Variants in NCKAP5 observed in about 807,000 individuals in gnomAD.
NCKAP5 encodes nck-associated protein 5.
In NCKAP5, 92 loss-of-function variants were observed where a neutral mutation model predicts 167.0. That is an observed-to-expected ratio of 0.55 (90% CI 0.47 to 0.66). The LOEUF is 0.66. NCKAP5 is among the 30% of genes least tolerant of loss of function. The pLI is 0.00. For missense variants in NCKAP5, 2,378 were observed against 2,315.0 expected (o/e 1.03, Z -0.56); for synonymous variants, 891 against 877.4 (o/e 1.02, Z -0.27).
intron 4 of NCKAP5, among the ~76,000 whole-genome samples, chr2:133,233,790 T>G (rs903624334): frequency 6.6e-6 from 1 of 152,192 alleles, no homozygotes; most frequent in Non-Finnish European, 1.5e-5. Flanking sequence ...AAATCTCTTC[T>G]TTTTATAGAT....
At position 132,783,554 on chromosome 2, in the gene NCKAP5, G is replaced by A; in HGVS notation, c.3257C>T (p.Pro1086Leu). 1 of 1,613,946 alleles carries A rather than the reference G, an allele frequency of 6.2e-7. No individual in the cohort carries two copies. The highest frequency in any genetic ancestry group is 8.5e-7 in the Non-Finnish European group (1 of 1,179,886). ...ATCATTCAATTGTCCTTTTCTCCCTGGAGATACACTTTTGGAGGACGTCAT... is the reference window on the plus strand; with the variant it reads ...ATCATTCAATTGTCCTTTTCTCCCTAGAGATACACTTTTGGAGGACGTCAT... ...LEMTSSKSVS[P>L]GRKGQLNDSA... Residue 1086 changes from proline (P) to leucine (L), a missense_variant, in exon 14 of 20, where the codon CCA (proline) becomes CTA (leucine). This residue lies in a region of NCKAP5 where 1,325 missense variants were observed against 1,274.5 expected (regional missense o/e 1.04). Transcript: ENST00000409261.
chr2:133,341,073 TC>T (rs1316933952), intron 3 of NCKAP5, among the ~76,000 whole-genome samples: 1 of 152,176 alleles, frequency 6.6e-6, no homozygotes, highest in Non-Finnish European at 1.5e-5. Context: ...TTCCATTAAT[TC>T]TATTTACCTG....
chr2:133,408,190 T>C (rs1246574517), intron 3 of NCKAP5, among the ~76,000 whole-genome samples: 10 of 152,288 alleles, frequency 6.6e-5, no homozygotes, highest in Middle Eastern at 3.4e-3. Flanking sequence ...ATTGAAGGCA[T>C]GATGATGATG....
At chr2:133,161,500 G>A (rs936037473) in intron 5 of NCKAP5, among the ~76,000 whole-genome samples, 1 of 152,188 alleles carries the variant, frequency 6.6e-6, no homozygotes, top group African/African-American at 2.4e-5. Context: ...GCACTTCAGT[G>A]TGTCAATCAC....
At chr2:133,336,703 A>C (rs1559394757) in intron 3 of NCKAP5, among the ~76,000 whole-genome samples, 4 of 152,226 alleles carry the variant, frequency 2.6e-5, no homozygotes, top group Non-Finnish European at 5.9e-5. Context: ...CGCTAATAAG[A>C]AAATGGGAAA....
At chr2:132,805,982 C>T (rs12476503) in intron 11 of NCKAP5, among the ~76,000 whole-genome samples, 8,323 of 152,048 alleles carry the variant, frequency 0.055, 442 homozygotes, top group East Asian at 0.13. Flanking sequence ...TATGACTTTG[C>T]GTCCTCATAG....
intron 3 of NCKAP5, among the ~76,000 whole-genome samples, chr2:133,308,689 C>CT (rs35760716): frequency 0.052 from 3,056 of 59,294 alleles, 1,089 homozygotes; most frequent in Non-Finnish European, 0.073. Context: ...AAATACAATT[C>CT]TTTTTTTTTT....
intron 3 of NCKAP5, among the ~76,000 whole-genome samples, chr2:133,437,878 G>A (rs1455721109): frequency 6.6e-6 from 1 of 152,240 alleles, no homozygotes. Flanking sequence ...CATGGTGCCT[G>A]TCATAGAGAA....
chr2:132,943,287 C>T (rs1028746444), intron 8 of NCKAP5, among the ~76,000 whole-genome samples: 3 of 152,308 alleles, frequency 2.0e-5, no homozygotes, highest in Admixed American at 6.5e-5. Flanking sequence ...ATGACAGAAA[C>T]TTCATTAAAA....
intron 3 of NCKAP5, among the ~76,000 whole-genome samples, chr2:133,496,810 C>A (rs1559527819): frequency 6.6e-6 from 1 of 152,138 alleles, no homozygotes; most frequent in African/African-American, 2.4e-5. Context: ...ATGAGAGCCA[C>A]TGAGGCTCTT....
chr2:133,127,997 C>T (rs574288561), intron 6 of NCKAP5, among the ~76,000 whole-genome samples: 90 of 152,250 alleles, frequency 5.9e-4, no homozygotes, highest in Non-Finnish European at 7.5e-4. Context: ...GTCATCCATC[C>T]TTCTTGTCCT....
chr2:133,575,972 AT>A, the NCKAP5 span, among the ~76,000 whole-genome samples: 1 of 152,226 alleles, frequency 6.6e-6, no homozygotes, highest in Admixed American at 6.5e-5. Context: ...ACCTTCTTCT[AT>A]GCCTCAGTAG....
intron 3 of NCKAP5, among the ~76,000 whole-genome samples, chr2:133,349,571 CTG>C (rs1684213432): frequency 6.6e-6 from 1 of 152,358 alleles, no homozygotes; most frequent in South Asian, 2.1e-4. Context: ...TTCCCTAGCA[CTG>C]TGAGTTGGTG....
At chr2:133,150,834 C>T (rs1267869646) in intron 5 of NCKAP5, among the ~76,000 whole-genome samples, 3 of 152,128 alleles carry the variant, frequency 2.0e-5, no homozygotes, top group African/African-American at 7.2e-5. Context: ...ATGGAAACAA[C>T]CCAAAGGTCC....
intron 3 of NCKAP5, among the ~76,000 whole-genome samples, chr2:133,351,213 G>A (rs1254752268): frequency 1.3e-5 from 2 of 151,602 alleles, no homozygotes; most frequent in Admixed American, 6.6e-5. Flanking sequence ...TTGGTTAATA[G>A]CTTCAGGAAA....
intron 2 of NCKAP5, among the ~76,000 whole-genome samples, chr2:133,549,221 T>A (rs1687047539): frequency 6.6e-6 from 1 of 151,948 alleles, no homozygotes; most frequent in Admixed American, 6.6e-5. Context: ...GCACCCAGGT[T>A]CATAAAGCAA....
rs184182722 is a variant in NCKAP5, at chr2:133,226,049, C to T, written c.144-12270G>A. ...CACAAGCCTCCAAAAGTGCCCCAGCCTCCCAAAGTGTTGAGATTACAGCCG... is the reference window on the plus strand; with the variant it reads ...CACAAGCCTCCAAAAGTGCCCCAGCTTCCCAAAGTGTTGAGATTACAGCCG... On this transcript the variant is annotated intron_variant, in intron 4 of 19. Transcript: ENST00000409261. Among the ~76,000 whole-genome samples, 161 of 152,092 alleles carry T rather than the reference C, an allele frequency of 1.1e-3. 1 individual carries two copies. Among genetic ancestry groups the T allele is most frequent in the Admixed American group, 5.6e-3 (86 of 15,268 alleles).
At chr2:132,779,324 C>T (rs935984513) in intron 15 of NCKAP5, among the ~76,000 whole-genome samples, 2 of 151,944 alleles carry the variant, frequency 1.3e-5, no homozygotes, top group Non-Finnish European at 2.9e-5. Context: ...GAAGATATAC[C>T]CTAGGCTGTC....
intron 8 of NCKAP5, among the ~76,000 whole-genome samples, chr2:132,924,485 A>C (rs911802726): frequency 1.3e-5 from 2 of 152,212 alleles, no homozygotes; most frequent in Non-Finnish European, 2.9e-5. Context: ...AATCATGTTT[A>C]TTCAATGGGT....
Sources: gnomAD v4.1 joint callset for allele counts (sites outside exome capture counted in the v4.1 genomes callset) on GRCh38, gnomAD v4.1.1 for gene constraint, gnomAD v4.1.1 regional missense constraint, MANE v1.5 for transcripts, NCBI Gene and HGNC (gene_info 2026-07-23, HGNC 2026-07-21) for gene names.